Variants in ADAMTS17 observed in about 807,000 individuals in gnomAD.
ADAMTS17 encodes the protein ADAM metallopeptidase with thrombospondin type 1 motif 17, also known as A disintegrin and metalloproteinase with thrombospondin motifs 17.
In ADAMTS17, 113 loss-of-function variants were observed where a neutral mutation model predicts 141.5. The ratio of observed to expected loss-of-function variants is 0.80; its 90% CI spans 0.69 to 0.93. ADAMTS17 has a LOEUF of 0.93. Ranked by LOEUF, ADAMTS17 falls within the 40% of genes least tolerant of loss-of-function variation. The pLI is 0.00. For missense variants in ADAMTS17, 1,659 were observed against 1,517.9 expected (o/e 1.09, Z -1.54); for synonymous variants, 768 against 630.6 (o/e 1.22, Z -3.27).
intron 15 of ADAMTS17, chr15:100,074,033 A>G (rs2034186644): frequency 1.3e-5 from 2 of 152,408 alleles, no homozygotes; most frequent in African/African-American, 4.8e-5. Flanking sequence ...TAATAATATC[A>G]CAATAATATC....
chr15:100,329,043 T>C (rs1257062248), intron 3 of ADAMTS17, among the ~76,000 whole-genome samples: 1 of 152,148 alleles, frequency 6.6e-6, no homozygotes, highest in Non-Finnish European at 1.5e-5. Context: ...TGGGAGTCTT[T>C]ACTTTGCCAG....
intron 20 of ADAMTS17, chr15:99,976,515 C>T (rs2060334646): frequency 1.7e-6 from 1 of 572,800 alleles, no homozygotes; most frequent in South Asian, 2.0e-5. Context: ...CAGCAGCTGC[C>T]TGATAGAAGA....
chr15:100,292,468 G>A (rs1237196338), intron 3 of ADAMTS17, among the ~76,000 whole-genome samples: 2 of 149,498 alleles, frequency 1.3e-5, no homozygotes, highest in African/African-American at 2.5e-5. Flanking sequence ...AATTATGAGA[G>A]ATACTCACCC....
intron 6 of ADAMTS17, among the ~76,000 whole-genome samples, chr15:100,259,519 T>C (rs1386056431): frequency 6.6e-6 from 1 of 152,236 alleles, no homozygotes; most frequent in Non-Finnish European, 1.5e-5. Flanking sequence ...GTCAAAAGCA[T>C]GGGCCAGGTC....
At chr15:100,205,251 A>G (rs946503477) in intron 7 of ADAMTS17, among the ~76,000 whole-genome samples, 7 of 152,202 alleles carry the variant, frequency 4.6e-5, no homozygotes, top group East Asian at 1.9e-4. Flanking sequence ...CTCCTACAAG[A>G]TAACATTTTC....
At chr15:100,122,812 T>C (rs907712922) in intron 12 of ADAMTS17, among the ~76,000 whole-genome samples, 17 of 152,182 alleles carry the variant, frequency 1.1e-4, no homozygotes, top group African/African-American at 4.1e-4. Flanking sequence ...TCACATTGAG[T>C]TGGCTGAGAA....
Position 100,132,146 on chromosome 15 carries a change from G to A in ADAMTS17, c.1582C>T (p.Arg528Cys), listed in dbSNP as rs752643838. 2.9e-5 allele frequency: 47 copies of A among 1,613,292 alleles called. No individual in the cohort carries two copies. The highest frequency in any genetic ancestry group is 5.3e-5 in the African/African-American group (4 of 74,936). The change falls in exon 12 of 22, where the codon CGC becomes TGC. Residue 528 changes from arginine to cysteine, a missense_variant. By Grantham distance (180) the Arg-to-Cys change is radical. Coordinates refer to ENST00000268070, the MANE Select transcript of ADAMTS17 (RefSeq NM_139057.4). ...GTCTTGCTCACGCACTCCCCCGCGC[G>A]GCACCACTGAAACACAGCGGGGAGG... The part of the protein sequence containing the change: ...GTECGADKWC[R>C]AGECVSKTPI...
chr15:100,099,231 G>A (rs2035949222), intron 14 of ADAMTS17, among the ~76,000 whole-genome samples: 1 of 152,168 alleles, frequency 6.6e-6, no homozygotes, highest in African/African-American at 2.4e-5. Flanking sequence ...TTATTTTAGA[G>A]GCTGTCTGCA....
intron 6 of ADAMTS17, among the ~76,000 whole-genome samples, chr15:100,261,110 G>A (rs1407452754): frequency 1.3e-5 from 2 of 152,212 alleles, no homozygotes; most frequent in Non-Finnish European, 2.9e-5. Flanking sequence ...GTGACCCTAT[G>A]TGGAAAAAGG....
intron 10 of ADAMTS17, among the ~76,000 whole-genome samples, chr15:100,147,819 A>T (rs533637203): frequency 1.3e-5 from 2 of 152,376 alleles, no homozygotes; most frequent in East Asian, 3.9e-4. Context: ...CTGCTACTAC[A>T]AACTTAGTGG....
chr15:100,085,392 G>A (rs200217543), intron 15 of ADAMTS17, among the ~76,000 whole-genome samples: 10,845 of 122,668 alleles, frequency 0.088, 947 homozygotes, highest in East Asian at 0.38. Context: ...GTGACGAGGA[G>A]AACGCAACCA....
intron 3 of ADAMTS17, among the ~76,000 whole-genome samples, chr15:100,317,669 A>G (rs181680482): frequency 6.6e-6 from 1 of 152,294 alleles, no homozygotes; most frequent in Admixed American, 6.5e-5. Context: ...ACACTGAGAA[A>G]AAGAGACAAT....
At chr15:100,330,558 T>G (rs987894814) in intron 3 of ADAMTS17, among the ~76,000 whole-genome samples, 1 of 152,090 alleles carries the variant, frequency 6.6e-6, no homozygotes, top group African/African-American at 2.4e-5. Flanking sequence ...AAGAGTGAGC[T>G]CCTGGCCAGG....
At chr15:100,025,209 G>A (rs2573583) in intron 18 of ADAMTS17, among the ~76,000 whole-genome samples, 17,111 of 151,992 alleles carry the variant, frequency 0.11, 2,586 homozygotes, top group African/African-American at 0.34. Flanking sequence ...AAGTTTCCTT[G>A]CCACATTTAA....
chr15:100,121,314 C>T (rs2037440871), intron 12 of ADAMTS17, among the ~76,000 whole-genome samples: 1 of 152,012 alleles, frequency 6.6e-6, no homozygotes, highest in South Asian at 2.1e-4. Flanking sequence ...TGAAGCTTAC[C>T]AAATGTAAAG....
chr15:100,288,723 C>A (rs2044530717), intron 3 of ADAMTS17, among the ~76,000 whole-genome samples: 2 of 152,074 alleles, frequency 1.3e-5, no homozygotes, highest in Non-Finnish European at 2.9e-5. Context: ...TCACTCAAAA[C>A]CATACAATTA....
rs578085901 is a variant in ADAMTS17 at position 100,155,199 on chromosome 15, C to T, written c.1303G>A (p.Asp435Asn). The T allele has an allele frequency of 1.9e-6, 3 of 1,614,200 alleles. No homozygotes were observed. In the South Asian group the frequency reaches 3.3e-5, roughly 18 times the overall value. The change falls in exon 9 of 22, where the codon GAC becomes AAC. Residue 435 changes from aspartate (D) to asparagine (N), a missense_variant. Transcript: ENST00000268070. ...DLSWSSCSRD[D>N]LENFLKSKVS... ...ACTTACTTGAGGAAGTTTTCAAGGT[C>T]ATCTCGGCTGCAGGAGGACCAAGAG...
rs1409311838 is a variant in ADAMTS17, at chr15:100,199,391, T to C, written c.1108A>G (p.Lys370Glu). Residue 370 changes from lysine (K) to glutamate (E), a missense_variant, in exon 8 of 22, where the codon AAG becomes GAG. Transcript: ENST00000268070. The part of the protein sequence containing the change: ...IAYLGGVCSA[K>E]RKCVLAEDNG... ...TCTTCGGCAAGCACACACTTCCTCT[T>C]AGCACTGCACACACCTCCTAAGTAA... is the stretch of plus-strand genomic sequence containing the variant. 6.2e-7 allele frequency: 1 copy of C among 1,614,140 alleles called. No homozygotes were observed. Among genetic ancestry groups the C allele is most frequent in the Admixed American group, 1.7e-5 (1 of 60,030 alleles).
At chr15:100,248,004 T>G (rs1249592098) in intron 7 of ADAMTS17, among the ~76,000 whole-genome samples, 1 of 151,780 alleles carries the variant, frequency 6.6e-6, no homozygotes, top group Non-Finnish European at 1.5e-5. Flanking sequence ...GTGCCAGGGG[T>G]GACGCAAGGA....
Sources: gnomAD v4.1 joint callset for allele counts (sites outside exome capture counted in the v4.1 genomes callset) on GRCh38, gnomAD v4.1.1 for gene constraint, MANE v1.5 for transcripts, NCBI Gene and HGNC (gene_info 2026-07-23, HGNC 2026-07-21) for gene names.